MROH1: variants seen among roughly 807,000 people sequenced by gnomAD.
MROH1 encodes maestro heat like repeat family member 1.
Under a neutral mutation model 116.5 loss-of-function variants are expected in MROH1, and 117 were observed. The ratio of observed to expected loss-of-function variants is 1.00; its 90% CI spans 0.86 to 1.17. MROH1 has a LOEUF of 1.17. Among genes scored for constraint, MROH1 ranks in the 50% most tolerant of loss-of-function variants. The probability of loss-of-function intolerance (pLI) is 0.00; values close to 1 mark genes in which losing one functional copy is unlikely to be tolerated. For synonymous variants in MROH1, 921 were observed against 583.9 expected, an observed-to-expected ratio of 1.58 and a Z score of -8.32; for missense variants, 1,873 against 1,338.5, an observed-to-expected ratio of 1.40 and a Z score of -6.23.
chr8:144,255,671 C>T lies in MROH1; in HGVS notation c.3757C>T (p.Pro1253Ser). Residue 1253 changes from proline to serine, a missense_variant, in exon 35 of 44, where the codon CCA becomes TCA. Pro to Ser is a moderately conservative substitution (Grantham distance 74, BLOSUM62 -1). Transcript: ENST00000326134. ...LQAQERRGAS[P>S]ALATRNLEPC... ...GGCCCAGGAAAGGAGGGGTGCCAGT[C>T]CAGCCCTAGCCACCAGGAACCTGGA... is the stretch of plus-strand genomic sequence containing the variant. The T allele has an allele frequency of 1.3e-6, 1 of 765,114 alleles. No individual in the cohort carries two copies. The highest frequency in any genetic ancestry group is 1.4e-5 in the South Asian group (1 of 71,870). The allele number at this position is 765,114 out of a possible 1,614,324, so 47.4% of individuals were successfully genotyped here.
At chr8:144,208,944 G>A (rs1833460811) in intron 12 of MROH1, among the ~76,000 whole-genome samples, 1 of 151,684 alleles carries the variant, frequency 6.6e-6, no homozygotes, top group Non-Finnish European at 1.5e-5. Context: ...GGCTGGTCTT[G>A]AACTCCTGAT....
Position 144,244,424 on chromosome 8 carries a change from C to T in MROH1, c.2671-20C>T, listed in dbSNP as rs941149708. On this transcript the variant is annotated intron_variant, in intron 27 of 43. Coordinates refer to ENST00000326134, the MANE Select transcript of MROH1 (RefSeq NM_032450.3). Reference sequence around the variant, plus strand: ...CTGCGGGGTCACTGGTGGGGCTGGACGGCCTGGCTCTCCTTCCAGTCCCTG... The same window carrying T: ...CTGCGGGGTCACTGGTGGGGCTGGATGGCCTGGCTCTCCTTCCAGTCCCTG... 68 of 740,226 alleles carry T rather than the reference C, an allele frequency of 9.2e-5. No individual in the cohort carries two copies. Among genetic ancestry groups the T allele is most frequent in the Admixed American group, 3.4e-4 (18 of 53,200 alleles). 45.9% of individuals were successfully genotyped at this position (740,226 alleles called of 1,614,324 possible).
chr8:144,222,519 T>A (rs527468761), intron 13 of MROH1, among the ~76,000 whole-genome samples: 1 of 152,208 alleles, frequency 6.6e-6, no homozygotes, highest in African/African-American at 2.4e-5. Context: ...CAGGTACAGG[T>A]ACATCCAGGT....
At position 144,163,603 on chromosome 8, in the gene MROH1, C is replaced by T. The variant is rs1044456283; in HGVS notation, c.-56-168C>T. Among the ~76,000 whole-genome samples, 2 of 152,166 alleles carry T rather than the reference C, an allele frequency of 1.3e-5. No homozygotes were observed. Among genetic ancestry groups the T allele is most frequent in the Non-Finnish European group, 2.9e-5 (2 of 68,038 alleles). ...AGGAGAGCTGGAAACTGTTGAGGATCATGATGCCTTTTGCCCTCCCTGAGT... is the reference window on the plus strand; with the variant it reads ...AGGAGAGCTGGAAACTGTTGAGGATTATGATGCCTTTTGCCCTCCCTGAGT... On this transcript the variant is annotated intron_variant, in intron 2 of 43. Coordinates refer to ENST00000326134, the MANE Select transcript of MROH1 (RefSeq NM_032450.3). This position sits in a 1 kb window ranked among gnomAD's most constrained non-coding sequence, Gnocchi z 4.4.
intron 11 of MROH1, among the ~76,000 whole-genome samples, chr8:144,200,170 C>A (rs895151352): frequency 7.4e-4 from 113 of 152,254 alleles, no homozygotes; most frequent in African/African-American, 2.6e-3. Flanking sequence ...AAACAAGCAC[C>A]GGTGTGCTGG....
chr8:144,156,805 A>G (rs1818249055), intron 1 of MROH1, among the ~76,000 whole-genome samples: 1 of 131,668 alleles, frequency 7.6e-6, no homozygotes, highest in Non-Finnish European at 1.6e-5. Flanking sequence ...TTTTCTTGAG[A>G]CAGAGTCTCA....
intron 10 of MROH1, among the ~76,000 whole-genome samples, chr8:144,194,264 T>C (rs977223275): frequency 6.6e-6 from 1 of 151,906 alleles, no homozygotes; most frequent in South Asian, 2.1e-4. Flanking sequence ...GGTTTCACCA[T>C]GTTGGCCAGG....
chr8:144,251,232 C>T (rs949858976), intron 33 of MROH1: 2 of 153,894 alleles, frequency 1.3e-5, no homozygotes, highest in African/African-American at 4.8e-5. Flanking sequence ...AGGGGGGACC[C>T]GCAGGCACCT....
intron 33 of MROH1, 180 bp downstream of exon 33, chr8:144,250,546 G>T: frequency 1.5e-6 from 1 of 675,036 alleles, no homozygotes; most frequent in East Asian, 2.7e-5. Context: ...AGGTACCCAC[G>T]GGGACCTCTC....
intron 7 of MROH1, among the ~76,000 whole-genome samples, chr8:144,184,074 T>C (rs1826344708): frequency 6.6e-6 from 1 of 152,232 alleles, no homozygotes; most frequent in African/African-American, 2.4e-5. Context: ...TGTTTTCTTT[T>C]AGAATTTCTT....
intron 4 of MROH1, among the ~76,000 whole-genome samples, chr8:144,174,254 G>A (rs1357202676): frequency 6.6e-6 from 1 of 152,066 alleles, no homozygotes; most frequent in Non-Finnish European, 1.5e-5. Context: ...TCTCAATCTG[G>A]TCCCAGGATT....
intron 1 of MROH1, among the ~76,000 whole-genome samples, chr8:144,155,861 G>A (rs1398314324): frequency 6.6e-6 from 1 of 151,754 alleles, no homozygotes; most frequent in East Asian, 2.0e-4. Flanking sequence ...TCGAACTCGT[G>A]ACCTCAAGTG....
chr8:144,206,408 C>T (rs1183724900), intron 12 of MROH1, among the ~76,000 whole-genome samples: 3 of 150,896 alleles, frequency 2.0e-5, no homozygotes, highest in Non-Finnish European at 4.4e-5. Context: ...TTAACAGACA[C>T]TTGGGTTGTT....
At chr8:144,149,904 C>T (rs1816316137) in intron 1 of MROH1, among the ~76,000 whole-genome samples, 1 of 152,048 alleles carries the variant, frequency 6.6e-6, no homozygotes, top group Non-Finnish European at 1.5e-5. Context: ...TTGCATTTCC[C>T]AGGGTCATCA....
At position 144,226,985 on chromosome 8, in the gene MROH1, G is replaced by A. The variant is rs961280976; in HGVS notation, c.1338+3755G>A. Among the ~76,000 whole-genome samples, 15 of 152,174 alleles carry A rather than the reference G, an allele frequency of 9.9e-5. No homozygotes were observed. In the South Asian group the frequency reaches 3.1e-3, roughly 32 times the overall value. ...TCAGCATGTCGATTCTGTATATTCT[G>A]GTATTTTGTTAGATTTGTAAAAGCT... On this transcript the variant is annotated intron_variant, in intron 14 of 43. Transcript: ENST00000326134.
intron 35 of MROH1, among the ~76,000 whole-genome samples, chr8:144,257,735 G>T (rs1844162062): frequency 6.6e-6 from 1 of 152,348 alleles, no homozygotes; most frequent in African/African-American, 2.4e-5. Context: ...CACCTGGCAG[G>T]AGGTGACCAG....
chr8:144,211,447 C>T (rs529416873), intron 12 of MROH1, among the ~76,000 whole-genome samples: 5 of 152,204 alleles, frequency 3.3e-5, no homozygotes, highest in South Asian at 2.1e-4. Context: ...CAGGGTTGGC[C>T]GGGCACAGTG....
chr8:144,243,448 C>A (rs1302469670), intron 24 of MROH1, 46 bp from the exon 25 acceptor site: 1 of 775,656 alleles, frequency 1.3e-6, no homozygotes, highest in Non-Finnish European at 2.4e-6. Flanking sequence ...GGGTTCAGCC[C>A]TGGAGGGCGG....
At chr8:144,236,682 G>T (rs1312333322) in intron 14 of MROH1, among the ~76,000 whole-genome samples, 1 of 151,788 alleles carries the variant, frequency 6.6e-6, no homozygotes, top group African/African-American at 2.4e-5. Context: ...GGCAGAGGTT[G>T]CAGTGAGCTG....
Sources: gnomAD v4.1 joint callset for allele counts (sites outside exome capture counted in the v4.1 genomes callset) on GRCh38, gnomAD v4.1.1 for gene constraint, Gnocchi (gnomAD v3.1) non-coding constraint, MANE v1.5 for transcripts, NCBI Gene and HGNC (gene_info 2026-07-23, HGNC 2026-07-21) for gene names.